Variants in SLC71A2 observed in about 807,000 individuals in gnomAD.
The protein encoded by SLC71A2 is hippocampus abundant transcript-like 1.
At chr9:94,450,938 C>A in the SLC71A2 span, among the ~76,000 whole-genome samples, 2 of 152,168 alleles carry the variant, frequency 1.3e-5, no homozygotes, top group Admixed American at 1.3e-4. Flanking sequence ...TTAAAACATA[C>A]CTGTGCCCGG....
the SLC71A2 span, among the ~76,000 whole-genome samples, chr9:94,429,983 T>C: frequency 7.4e-5 from 11 of 148,630 alleles, no homozygotes; most frequent in African/African-American, 2.7e-4. Flanking sequence ...CTCGGCTCAC[T>C]GCAGCATCCG....
the SLC71A2 span, chr9:94,374,663 G>T: frequency 6.5e-6 from 1 of 154,196 alleles, no homozygotes; most frequent in South Asian, 2.0e-4. Flanking sequence ...TTCAGCCTCC[G>T]CCGCCTCCTC....
the SLC71A2 span, among the ~76,000 whole-genome samples, chr9:94,411,337 T>A: frequency 1.4e-5 from 2 of 147,734 alleles, no homozygotes; most frequent in Non-Finnish European, 1.5e-5. Flanking sequence ...TGTTTCACTT[T>A]GTTTTTTCAA....
chr9:94,375,600 T>G, the SLC71A2 span, among the ~76,000 whole-genome samples: 2 of 151,512 alleles, frequency 1.3e-5, no homozygotes, highest in Admixed American at 6.6e-5. Flanking sequence ...TGTCGTTTCT[T>G]CAAGGCCTAA....
chr9:94,401,418 G>A, the SLC71A2 span, among the ~76,000 whole-genome samples: 33 of 152,128 alleles, frequency 2.2e-4, no homozygotes, highest in African/African-American at 7.9e-4. Flanking sequence ...AGGTGATCAA[G>A]ACCTGGGCCT....
chr9:94,379,408 G>T, the SLC71A2 span, among the ~76,000 whole-genome samples: 1 of 124,390 alleles, frequency 8.0e-6, no homozygotes. Flanking sequence ...TTTTTTAAGA[G>T]GTGAGGCCTC....
the SLC71A2 span, among the ~76,000 whole-genome samples, chr9:94,402,426 A>G: frequency 6.6e-6 from 1 of 152,184 alleles, no homozygotes; most frequent in South Asian, 2.1e-4. Context: ...ATTCACGGTG[A>G]TGTAGAACTA....
At chr9:94,409,266 A>G in the SLC71A2 span, among the ~76,000 whole-genome samples, 1,182 of 143,568 alleles carry the variant, frequency 8.2e-3, 4 homozygotes, top group Non-Finnish European at 0.014. Flanking sequence ...CAGCCTCCCA[A>G]ATAGCTGGGA....
At chr9:94,443,613 AGAG>A in the SLC71A2 span, among the ~76,000 whole-genome samples, 65 of 152,304 alleles carry the variant, frequency 4.3e-4, no homozygotes, top group East Asian at 0.01. Flanking sequence ...GTTAAGTGAA[AGAG>A]GAGTTTAGAT....
At chr9:94,431,584 T>A in the SLC71A2 span, among the ~76,000 whole-genome samples, 1 of 152,060 alleles carries the variant, frequency 6.6e-6, no homozygotes, top group Non-Finnish European at 1.5e-5. Context: ...ACAGTAATTA[T>A]GTTGAACACT....
At chr9:94,396,584 G>C in the SLC71A2 span, among the ~76,000 whole-genome samples, 3 of 152,044 alleles carry the variant, frequency 2.0e-5, no homozygotes, top group Non-Finnish European at 4.4e-5. Flanking sequence ...AAAGGACCTG[G>C]TAATAAATGT....
At chr9:94,436,089 C>T in the SLC71A2 span, among the ~76,000 whole-genome samples, 1 of 152,228 alleles carries the variant, frequency 6.6e-6, no homozygotes, top group Non-Finnish European at 1.5e-5. Flanking sequence ...ATACCTAATA[C>T]TGTGTAAATA....
At chr9:94,401,779 A>C in the SLC71A2 span, among the ~76,000 whole-genome samples, 1 of 151,578 alleles carries the variant, frequency 6.6e-6, no homozygotes, top group Non-Finnish European at 1.5e-5. Flanking sequence ...ACCTCGAACA[A>C]GAAAGAATTC....
At chr9:94,391,757 T>A in the SLC71A2 span, among the ~76,000 whole-genome samples, 1 of 150,698 alleles carries the variant, frequency 6.6e-6, no homozygotes, top group Non-Finnish European at 1.5e-5. Context: ...GGTGTGGTAG[T>A]GGGCACGTGT....
At chr9:94,384,102 C>A in the SLC71A2 span, among the ~76,000 whole-genome samples, 1 of 152,112 alleles carries the variant, frequency 6.6e-6, no homozygotes, top group Admixed American at 6.6e-5. Context: ...ATTTCCAGAA[C>A]TACTTCTTCT....
At chr9:94,424,122 A>G in the SLC71A2 span, among the ~76,000 whole-genome samples, 1 of 152,224 alleles carries the variant, frequency 6.6e-6, no homozygotes, top group Non-Finnish European at 1.5e-5. Flanking sequence ...CCTTTGTCAT[A>G]AATGAGACAA....
the SLC71A2 span, among the ~76,000 whole-genome samples, chr9:94,454,737 A>G: frequency 1.3e-4 from 20 of 152,310 alleles, 2 homozygotes; most frequent in East Asian, 3.9e-3. Context: ...ATGACTGATT[A>G]TGGCAAGCTT....
the SLC71A2 span, among the ~76,000 whole-genome samples, chr9:94,409,919 ATGTC>A: frequency 7.1e-6 from 1 of 140,476 alleles, no homozygotes; most frequent in Non-Finnish European, 1.5e-5. Flanking sequence ...TGTTCAATAA[ATGTC>A]TGTTAGGTTT....
At chr9:94,424,174 G>C in the SLC71A2 span, among the ~76,000 whole-genome samples, 1 of 151,588 alleles carries the variant, frequency 6.6e-6, no homozygotes, top group East Asian at 1.9e-4. Flanking sequence ...TTAGTATTCT[G>C]TTGAGCTATA....
Sources: gnomAD v4.1 joint callset for allele counts (sites outside exome capture counted in the v4.1 genomes callset) on GRCh38, gnomAD v4.1.1 for gene constraint, MANE v1.5 for transcripts, NCBI Gene and HGNC (gene_info 2026-07-23, HGNC 2026-07-21) for gene names.